RIT2: variants seen among roughly 807,000 people sequenced by gnomAD.
RIT2 encodes the protein GTP-binding protein Rit2.
In RIT2, 24 loss-of-function variants were observed where a neutral mutation model predicts 23.7. The ratio of observed to expected loss-of-function variants is 1.01; its 90% CI spans 0.73 to 1.43. The LOEUF (loss-of-function observed/expected upper bound fraction) is 1.43, where lower values mean the gene tolerates loss of function less well. Ranked by LOEUF, RIT2 falls within the 40% of genes most tolerant of loss-of-function variation. The probability of loss-of-function intolerance (pLI) is 0.00; values close to 1 mark genes in which losing one functional copy is unlikely to be tolerated. For missense variants in RIT2, 236 were observed against 266.9 expected, an observed-to-expected ratio of 0.88 and a Z score of 0.81; for synonymous variants, 107 against 91.1, an observed-to-expected ratio of 1.17 and a Z score of -0.99.
intron 2 of RIT2, among the ~76,000 whole-genome samples, chr18:42,994,261 C>T (rs1360901898): frequency 6.6e-6 from 1 of 152,162 alleles, no homozygotes; most frequent in African/African-American, 2.4e-5. Flanking sequence ...CGGACAGCCC[C>T]CGTTACTTCA....
At chr18:43,042,332 T>C (rs1326724366) in intron 1 of RIT2, among the ~76,000 whole-genome samples, 1 of 152,194 alleles carries the variant, frequency 6.6e-6, no homozygotes, top group Non-Finnish European at 1.5e-5. Flanking sequence ...ATCATCACCA[T>C]TCCTTCCTCA....
intron 4 of RIT2, among the ~76,000 whole-genome samples, chr18:42,859,554 C>T (rs979902832): frequency 3.3e-5 from 5 of 151,946 alleles, no homozygotes; most frequent in Admixed American, 6.6e-5. Flanking sequence ...TGATCTGGTA[C>T]GTCCAATTTA....
intron 4 of RIT2, among the ~76,000 whole-genome samples, chr18:42,852,786 TC>T (rs1431304358): frequency 4.3e-3 from 305 of 71,580 alleles, no homozygotes; most frequent in Admixed American, 9.1e-3. Flanking sequence ...CCTCTCTCCC[TC>T]CCTCCCTCTC....
chr18:42,760,593 G>A (rs1244462896), intron 4 of RIT2, among the ~76,000 whole-genome samples: 1 of 152,182 alleles, frequency 6.6e-6, no homozygotes, highest in African/African-American at 2.4e-5. Context: ...CTGTTTAAGA[G>A]GATGGTTGCT....
chr18:43,054,581 CAGACTT>C (rs535407332), intron 1 of RIT2, among the ~76,000 whole-genome samples: 141 of 152,156 alleles, frequency 9.3e-4, no homozygotes, highest in African/African-American at 3.0e-3. Context: ...ATTAGAAAGA[CAGACTT>C]AGGATACGCT....
chr18:42,796,353 A>G (rs1905360303), intron 4 of RIT2, among the ~76,000 whole-genome samples: 1 of 152,054 alleles, frequency 6.6e-6, no homozygotes, highest in Admixed American at 6.5e-5. Context: ...CTCTGAACAC[A>G]TCCAAACATC....
chr18:42,954,127 C>A (rs1598728554), intron 3 of RIT2, among the ~76,000 whole-genome samples: 1 of 152,148 alleles, frequency 6.6e-6, no homozygotes, highest in Admixed American at 6.6e-5. Flanking sequence ...CCTGTAATCC[C>A]AGCACTTTGG....
intron 4 of RIT2, among the ~76,000 whole-genome samples, chr18:42,765,738 A>C (rs1224170061): frequency 2.0e-5 from 3 of 152,268 alleles, no homozygotes; most frequent in Non-Finnish European, 4.4e-5. Context: ...ATGGACACAT[A>C]TAATACATAA....
At chr18:42,978,164 C>T (rs567730336) in intron 2 of RIT2, among the ~76,000 whole-genome samples, 1 of 152,040 alleles carries the variant, frequency 6.6e-6, no homozygotes, top group South Asian at 2.1e-4. Flanking sequence ...GAGAACTCCT[C>T]TGTGTGATTA....
intron 1 of RIT2, among the ~76,000 whole-genome samples, chr18:43,039,410 G>A (rs1277638706): frequency 6.8e-6 from 1 of 147,552 alleles, no homozygotes; most frequent in Non-Finnish European, 1.5e-5. Context: ...GTGCAATGGT[G>A]CGATCTAAGC....
chr18:42,897,763 T>G (rs1908369776), intron 4 of RIT2, among the ~76,000 whole-genome samples: 1 of 152,116 alleles, frequency 6.6e-6, no homozygotes, highest in African/African-American at 2.4e-5. Context: ...ACATATAATT[T>G]TAAAAAAAGG....
intron 4 of RIT2, among the ~76,000 whole-genome samples, chr18:42,863,235 A>C (rs1907377438): frequency 6.6e-6 from 1 of 152,164 alleles, no homozygotes; most frequent in Non-Finnish European, 1.5e-5. Context: ...AAACTTTTAG[A>C]CAAGCATATC....
intron 2 of RIT2, among the ~76,000 whole-genome samples, chr18:42,978,913 A>C (rs1022776803): frequency 3.9e-5 from 6 of 152,118 alleles, no homozygotes; most frequent in African/African-American, 1.4e-4. Flanking sequence ...GGAGTTCTAT[A>C]AGGATCAACA....
chr18:42,901,604 T>C (rs1908477328), intron 4 of RIT2, among the ~76,000 whole-genome samples: 1 of 152,052 alleles, frequency 6.6e-6, no homozygotes. Context: ...TATTTTGATA[T>C]TGTACAAATA....
At chr18:42,911,462 A>G in intron 4 of RIT2, among the ~76,000 whole-genome samples, 1 of 152,046 alleles carries the variant, frequency 6.6e-6, no homozygotes, top group Non-Finnish European at 1.5e-5. Flanking sequence ...CCTAAATCAT[A>G]AAATCAGAAA....
At chr18:43,051,204 A>T (rs1011304607) in intron 1 of RIT2, among the ~76,000 whole-genome samples, 1 of 152,086 alleles carries the variant, frequency 6.6e-6, no homozygotes. Context: ...AAAATAAAAC[A>T]AATCAAAACA....
chr18:42,745,636 A>G (rs1912899920), intron 4 of RIT2, among the ~76,000 whole-genome samples: 1 of 152,156 alleles, frequency 6.6e-6, no homozygotes, highest in Non-Finnish European at 1.5e-5. Flanking sequence ...CCTTAAAATA[A>G]CTTAAGAAAT....
chr18:42,977,815 G>C (rs1365535688), intron 2 of RIT2, among the ~76,000 whole-genome samples: 1 of 147,422 alleles, frequency 6.8e-6, no homozygotes, highest in Non-Finnish European at 1.5e-5. Context: ...TGACTTGCAG[G>C]GTGCTCCATC....
At chr18:42,990,559 G>T (rs4243265) in intron 2 of RIT2, among the ~76,000 whole-genome samples, 145,170 of 152,252 alleles carry the variant, frequency 0.95, 69,575 homozygotes, top group East Asian at 1. Flanking sequence ...TTAAAGAAAT[G>T]TTTTAATTTT....
Sources: gnomAD v4.1 joint callset for allele counts (sites outside exome capture counted in the v4.1 genomes callset) on GRCh38, gnomAD v4.1.1 for gene constraint, MANE v1.5 for transcripts, NCBI Gene and HGNC (gene_info 2026-07-23, HGNC 2026-07-21) for gene names.